SCNN1D: variants seen among roughly 807,000 people sequenced by gnomAD.
SCNN1D encodes the protein sodium channel epithelial 1 subunit delta, also known as epithelial sodium channel subunit delta.
SCNN1D carries 104 observed loss-of-function variants against 87.8 expected under a neutral mutation model. That is an observed-to-expected ratio of 1.18 (90% confidence interval 1.01 to 1.39). SCNN1D has a LOEUF of 1.39. SCNN1D is among the 40% of genes most tolerant of loss of function. SCNN1D has a pLI of 0.00. For synonymous variants in SCNN1D, 628 were observed against 481.2 expected, an observed-to-expected ratio of 1.31 and a Z score of -3.99; for missense variants, 1,324 against 1,093.9, an observed-to-expected ratio of 1.21 and a Z score of -2.97.
Position 1,291,645 on chromosome 1 carries a change from T to C in SCNN1D, c.*35T>C. On this transcript the variant is annotated 3_prime_UTR_variant, in exon 18 of 18. Transcript: ENST00000379116. ...GCCAGGGCTGTGCGATCTCTTGGCC[T>C]GGTCCTTGCAGCTGTGGCAGCAGCA... 2 of 1,444,914 alleles carry C rather than the reference T, an allele frequency of 1.4e-6. No individual in the cohort carries two copies. The highest frequency in any genetic ancestry group is 1.8e-6 in the Non-Finnish European group (2 of 1,081,262). 89.5% of individuals were successfully genotyped at this position (1,444,914 alleles called of 1,614,324 possible).
chr1:1,286,475 G>A (rs974416622), intron 7 of SCNN1D, among the ~76,000 whole-genome samples, 197 bp downstream of exon 7: 1 of 152,294 alleles, frequency 6.6e-6, no homozygotes, highest in East Asian at 1.9e-4. Context: ...AGGGGGCTCA[G>A]TGTGGTCACT....
chr1:1,281,363 GGGCCCAAAGGGA>G, intron 2 of SCNN1D, 36 bp from the exon 3 acceptor site: 1 of 1,531,610 alleles, frequency 6.5e-7, no homozygotes, highest in Non-Finnish European at 8.7e-7. Flanking sequence ...GCAGAGGCAT[GGGCCCAAAGGGA>G]GCCAGGGATG....
chr1:1,280,520 G>C lies in SCNN1D; in HGVS notation c.-142G>C. On this transcript the variant is annotated 5_prime_UTR_variant, in exon 1 of 18. An upstream start codon of the reference 5' UTR is lost. Coordinates refer to ENST00000379116, the MANE Select transcript of SCNN1D (RefSeq NM_001130413.4). The stretch of plus-strand genomic sequence containing the variant: ...AGAAGGGAATGTCTGGTTACAGTAT[G>C]GCGTTGTGCAGATGAAGGTCTTATC... 1 of 616,502 alleles carries C rather than the reference G, an allele frequency of 1.6e-6. No homozygotes were observed. The highest frequency in any genetic ancestry group is 3.0e-6 in the Non-Finnish European group (1 of 334,420). The allele number at this position is 616,502 out of a possible 1,614,324, so 38.2% of individuals were successfully genotyped here.
In SCNN1D at chr1:1,284,754, C is replaced by T. The variant is rs367678324; in HGVS notation, c.464+664C>T. On this transcript the variant is annotated intron_variant, in intron 5 of 17. Transcript: ENST00000379116. Reference sequence around the variant, plus strand: ...CATCCCGTGGGTTGGCCACATGGCACGACGCAGATCCAGACAGGGTGGAGA... The same window carrying T: ...CATCCCGTGGGTTGGCCACATGGCATGACGCAGATCCAGACAGGGTGGAGA... 4.6e-5 allele frequency among the ~76,000 whole-genome samples: 7 copies of T among 152,076 alleles called. No individual in the cohort carries two copies. In the South Asian group the frequency reaches 1.0e-3, roughly 22 times the overall value.
intron 17 of SCNN1D, 49 bp downstream of exon 17, chr1:1,291,189 C>T: frequency 6.3e-7 from 1 of 1,594,740 alleles, no homozygotes; most frequent in Non-Finnish European, 8.5e-7. Context: ...GCGACAGTGG[C>T]TGGCCCTGCA....
At chr1:1,281,036 GC>G (rs1640459125) in intron 1 of SCNN1D, 189 bp from the exon 2 acceptor site, 5 of 615,580 alleles carry the variant, frequency 8.1e-6, no homozygotes, top group Non-Finnish European at 1.4e-5. Context: ...GGGACCCCAG[GC>G]CACCCCTGGC....
At chr1:1,282,389 C>G (rs1640487593) in intron 4 of SCNN1D, 74 bp downstream of exon 4, 1 of 1,490,896 alleles carries the variant, frequency 6.7e-7, no homozygotes, top group African/African-American at 1.4e-5. Flanking sequence ...CCCAGCCAAG[C>G]CCAGGGACCC....
In SCNN1D at chr1:1,288,235, C is replaced by T. The variant is rs569043942; in HGVS notation, c.1662+198C>T. Among the ~76,000 whole-genome samples, 48 of 139,652 alleles carry T rather than the reference C, an allele frequency of 3.4e-4. 1 individual carries two copies. The highest frequency in any genetic ancestry group is 4.8e-4 in the Non-Finnish European group (31 of 65,018). 91.6% of individuals were successfully genotyped at this position (139,652 alleles called of 152,430 possible). ...TCTGCTCCGTCCCGTGTCTCTGCTC[C>T]GTCCCGTGTCTCTGCTCCGTCCCGT... On this transcript the variant is annotated intron_variant, in intron 12 of 17. Transcript: ENST00000379116.
chr1:1,288,090 G>C lies in SCNN1D; in HGVS notation c.1662+53G>C, dbSNP rs950025050. ...GGGCAGGTGAGGCTGGGCTGGCCAGGGGGTGTGGGCGGGTGGAACGGGGGA... is the reference window on the plus strand; with the variant it reads ...GGGCAGGTGAGGCTGGGCTGGCCAGCGGGTGTGGGCGGGTGGAACGGGGGA... On this transcript the variant is annotated intron_variant, in intron 12 of 17. Transcript: ENST00000379116. 1.2e-4 allele frequency: 153 copies of C among 1,298,918 alleles called. 1 individual carries two copies. The highest frequency in any genetic ancestry group is 1.2e-4 in the Non-Finnish European group (116 of 945,904). 80.5% of individuals were successfully genotyped at this position (1,298,918 alleles called of 1,614,324 possible).
intron 4 of SCNN1D, 88 bp downstream of exon 4, chr1:1,282,403 A>G: frequency 7.0e-7 from 1 of 1,422,954 alleles, no homozygotes; most frequent in Non-Finnish European, 9.6e-7. Context: ...GGGACCCAGC[A>G]CCACTTGGGG....
intron 4 of SCNN1D, among the ~76,000 whole-genome samples, chr1:1,283,581 C>G (rs1570601749): frequency 6.6e-6 from 1 of 152,250 alleles, no homozygotes; most frequent in African/African-American, 2.4e-5. Context: ...GCCCGTAATC[C>G]CAGCTACTCA....
In SCNN1D at chr1:1,288,300, TCTGCTCCGTCCCGTGTCC is replaced by T. The variant is rs1331731115; in HGVS notation, c.1662+281_1662+298del. Among the ~76,000 whole-genome samples the T allele has an allele frequency of 2.9e-4, 17 of 57,886 alleles. 1 individual carries two copies. The highest frequency in any genetic ancestry group is 7.1e-4 in the African/African-American group (3 of 4,216). The allele number at this position is 57,886 out of a possible 152,430, so 38.0% of individuals were successfully genotyped here. A position where few individuals can be genotyped will look rare whatever the true frequency, so the allele number is the denominator to read the frequency against. Reference sequence around the variant, plus strand: ...CCCCGAGTCTCTGCTCCGTCCCGTGTCTGCTCCGTCCCGTGTCCCTGCTCCGTCCCGTGTCTCTGCCCC... The same window carrying T: ...CCCCGAGTCTCTGCTCCGTCCCGTGTCTGCTCCGTCCCGTGTCTCTGCCCC... On this transcript the variant is annotated intron_variant, in intron 12 of 17. Coordinates refer to ENST00000379116, the MANE Select transcript of SCNN1D (RefSeq NM_001130413.4).
chr1:1,290,542 C>A lies in SCNN1D; in HGVS notation c.1846C>A (p.Pro616Thr), dbSNP rs1200074638. ...CCGGCTCCCCTGTACCTCCCGCTGC[C>A]CCAGGCCCTGCAGGTGAGACGGGGG... ...THRLPCTSRC[P>T]RPCRESAFKL... The change falls in exon 14 of 18, where the codon CCC (proline) becomes ACC (threonine). Residue 616 changes from proline to threonine, a missense_variant. Physicochemically the swap from Pro to Thr is conservative, Grantham distance 38. Coordinates refer to ENST00000379116, the MANE Select transcript of SCNN1D (RefSeq NM_001130413.4). The A allele has an allele frequency of 6.2e-7, 1 of 1,612,582 alleles. No homozygotes were observed. The highest frequency in any genetic ancestry group is 8.5e-7 in the Non-Finnish European group (1 of 1,179,924).
rs776035920 is a variant in SCNN1D, at chr1:1,290,399, C to T, written c.1780+11C>T. 7.5e-6 allele frequency: 12 copies of T among 1,606,558 alleles called. No homozygotes were observed. The South Asian group carries it at 1.1e-4, about 15-fold the overall frequency. On this transcript the variant is annotated intron_variant, in intron 13 of 17. Coordinates refer to ENST00000379116, the MANE Select transcript of SCNN1D (RefSeq NM_001130413.4). ...GGCACCCTGCCTGGGGTGAGTCCTG[C>T]TCGCTGCCTCCCACTCTGTCAGCCA...
At position 1,291,518 on chromosome 1, in the gene SCNN1D, C is replaced by A; in HGVS notation, c.2317C>A (p.Leu773Ile). The stretch of plus-strand genomic sequence containing the variant: ...TGACCCGGAGCCCAGCGGGCCTCAT[C>A]TCCCACGGGTGATGCTTCCAGGGGT... ...SDDPEPSGPH[L>I]PRVMLPGVLA... The change falls in exon 18 of 18, where the codon CTC becomes ATC. Residue 773 changes from leucine (L) to isoleucine (I), a missense_variant. Transcript: ENST00000379116. The A allele has an allele frequency of 6.2e-7, 1 of 1,607,698 alleles. No individual in the cohort carries two copies. Among genetic ancestry groups the A allele is most frequent in the South Asian group, 1.1e-5 (1 of 90,910 alleles).
At chr1:1,288,440 C>T (rs1249986728) in intron 12 of SCNN1D, among the ~76,000 whole-genome samples, 1 of 78,618 alleles carries the variant, frequency 1.3e-5, no homozygotes, top group Non-Finnish European at 2.3e-5. Context: ...TGCTCCGTCC[C>T]GTGTCTCTGC....
rs773466882 is a variant in SCNN1D at position 1,287,514 on chromosome 1, C to A, written c.1317C>A (p.Phe439Leu). The stretch of plus-strand genomic sequence containing the variant: ...GCTTGGCTTCTCATTCCAGACAGTT[C>A]CGGACCTTCCACCACCCCACCTACG... ...YDGLDCQARQ[F>L]RTFHHPTYGS... Residue 439 changes from phenylalanine to leucine, a missense_variant, in exon 10 of 18, where the codon TTC becomes TTA. By Grantham distance (22) the Phe-to-Leu change is conservative. Transcript: ENST00000379116. 1 of 1,527,920 alleles carries A rather than the reference C, an allele frequency of 6.5e-7. No individual in the cohort carries two copies. Among genetic ancestry groups the A allele is most frequent in the Non-Finnish European group, 8.8e-7 (1 of 1,135,978 alleles). The allele number at this position is 1,527,920 out of a possible 1,614,324, so 94.6% of individuals were successfully genotyped here. A position where few individuals can be genotyped will look rare whatever the true frequency, so the allele number is the denominator to read the frequency against.
rs1246443947 is a variant in SCNN1D at position 1,286,377 on chromosome 1, G to A, written c.911+99G>A. The A allele has an allele frequency of 3.0e-6, 3 of 1,001,448 alleles. No individual in the cohort carries two copies. In the African/African-American group the frequency reaches 4.9e-5, roughly 16 times the overall value. The allele number at this position is 1,001,448 out of a possible 1,614,324, so 62.0% of individuals were successfully genotyped here. On this transcript the variant is annotated intron_variant, in intron 7 of 17. Transcript: ENST00000379116. The stretch of plus-strand genomic sequence containing the variant: ...CCCCACTGGCCCCTGTAGCCGAGGA[G>A]GGGGCTCTGTGTGGTCAATGCCACC...
chr1:1,281,658 G>A lies in SCNN1D; in HGVS notation c.277+48G>A, dbSNP rs115452779. Reference sequence around the variant, plus strand: ...AGGCCTTGCCCGGGAGGAGGGGAGGGGGGTGGAGCCGGGAGCTGCGTGATC... The same window carrying A: ...AGGCCTTGCCCGGGAGGAGGGGAGGAGGGTGGAGCCGGGAGCTGCGTGATC... On this transcript the variant is annotated intron_variant, in intron 3 of 17. Transcript: ENST00000379116. The A allele has an allele frequency of 1.4e-3, 2,165 of 1,501,122 alleles. 18 individuals are homozygous for A. The African/African-American group carries it at 0.023, about 16-fold the overall frequency. 93.0% of individuals were successfully genotyped at this position (1,501,122 alleles called of 1,614,324 possible). A position where few individuals can be genotyped will look rare whatever the true frequency, so the allele number is the denominator to read the frequency against.
Sources: gnomAD v4.1 joint callset for allele counts (sites outside exome capture counted in the v4.1 genomes callset) on GRCh38, gnomAD v4.1.1 for gene constraint, MANE v1.5 for transcripts, NCBI Gene and HGNC (gene_info 2026-07-23, HGNC 2026-07-21) for gene names.